The following PARD3B variants were observed in gnomAD, a reference collection of about 807,000 sequenced individuals.
PARD3B encodes par-3 family cell polarity regulator beta.
A neutral mutation model predicts 130.2 loss-of-function variants in PARD3B; 103 were observed. That is an observed-to-expected ratio of 0.79 (90% CI 0.67 to 0.93). The LOEUF (loss-of-function observed/expected upper bound fraction) is 0.93, where lower values mean the gene tolerates loss of function less well. Among genes scored for constraint, PARD3B ranks in the 40% least tolerant of loss-of-function variants. The pLI, the probability that PARD3B is intolerant of heterozygous loss-of-function variation, is 0.00. For synonymous variants in PARD3B, 583 were observed against 553.2 expected (o/e 1.05, Z -0.76); for missense variants, 1,609 against 1,499.2 (o/e 1.07, Z -1.21).
chr2:205,520,376 T>G (rs1357781684), intron 21 of PARD3B, among the ~76,000 whole-genome samples: 1 of 152,122 alleles, frequency 6.6e-6, no homozygotes, highest in African/African-American at 2.4e-5. Context: ...AGCACTTGGG[T>G]TCTTTGCTCC....
chr2:204,870,125 C>T (rs1050414144), intron 2 of PARD3B, among the ~76,000 whole-genome samples: 2 of 152,120 alleles, frequency 1.3e-5, no homozygotes, highest in Non-Finnish European at 2.9e-5. Context: ...ATTTCTCTGT[C>T]TCTCTCTTTC....
rs2046150060 is a variant in PARD3B, at chr2:204,883,458, T to TA, written c.223-81694_223-81693insA. Among the ~76,000 whole-genome samples, 13 of 117,436 alleles carry TA rather than the reference T, an allele frequency of 1.1e-4. No individual in the cohort carries two copies. The South Asian group carries it at 3.3e-3, about 30-fold the overall frequency. 77.0% of individuals were successfully genotyped at this position (117,436 alleles called of 152,430 possible). A position where few individuals can be genotyped will look rare whatever the true frequency, so the allele number is the denominator to read the frequency against. On this transcript the variant is annotated intron_variant, in intron 2 of 22. Coordinates refer to ENST00000406610, the MANE Select transcript of PARD3B (RefSeq NM_001302769.2). The stretch of plus-strand genomic sequence containing the variant: ...AAATATATATATATATATATATATT[T>TA]TTTTTTTTGAGACAGAGTCTCACTC...
intron 2 of PARD3B, among the ~76,000 whole-genome samples, chr2:204,916,425 AAT>A (rs138664306): frequency 0.11 from 16,659 of 152,170 alleles, 1,195 homozygotes; most frequent in Non-Finnish European, 0.16. Flanking sequence ...GAAATTGTTT[AAT>A]GTTTTAAAAT....
At chr2:204,939,985 G>A (rs1216596747) in intron 2 of PARD3B, among the ~76,000 whole-genome samples, 1 of 152,140 alleles carries the variant, frequency 6.6e-6, no homozygotes, top group Non-Finnish European at 1.5e-5. Context: ...AAACAAATTG[G>A]TAAGTTGAAA....
At chr2:204,595,769 A>G (rs925537115) in intron 1 of PARD3B, among the ~76,000 whole-genome samples, 1 of 152,254 alleles carries the variant, frequency 6.6e-6, no homozygotes, top group Non-Finnish European at 1.5e-5. Context: ...TCATTTGTTC[A>G]TGCTTTGTTT....
intron 2 of PARD3B, among the ~76,000 whole-genome samples, chr2:204,923,421 A>G (rs1256134168): frequency 2.0e-5 from 3 of 152,040 alleles, no homozygotes; most frequent in Non-Finnish European, 4.4e-5. Flanking sequence ...CTTATGTAAA[A>G]TAAATTGCAT....
intron 3 of PARD3B, among the ~76,000 whole-genome samples, chr2:205,040,144 A>C (rs1425137247): frequency 6.6e-6 from 1 of 151,842 alleles, no homozygotes; most frequent in Non-Finnish European, 1.5e-5. Context: ...TTATGTTTTT[A>C]GTAGAGATGG....
chr2:204,761,363 T>C (rs961018032), intron 2 of PARD3B, among the ~76,000 whole-genome samples: 58 of 152,322 alleles, frequency 3.8e-4, no homozygotes, highest in Non-Finnish European at 1.9e-4. Flanking sequence ...TTCAGTTTCC[T>C]TGCTGAAAGA....
At chr2:204,641,225 T>C (rs1315942220) in intron 1 of PARD3B, among the ~76,000 whole-genome samples, 1 of 149,692 alleles carries the variant, frequency 6.7e-6, no homozygotes, top group Non-Finnish European at 1.5e-5. Flanking sequence ...TAAATGTATA[T>C]ATAATAAGTA....
At chr2:205,581,721 A>G (rs1435261267) in intron 22 of PARD3B, among the ~76,000 whole-genome samples, 2 of 152,036 alleles carry the variant, frequency 1.3e-5, no homozygotes, top group Admixed American at 1.3e-4. Flanking sequence ...CATGTACCCT[A>G]TAAATAGATA....
At chr2:204,912,951 T>A in intron 2 of PARD3B, among the ~76,000 whole-genome samples, 1 of 152,196 alleles carries the variant, frequency 6.6e-6, no homozygotes, top group South Asian at 2.1e-4. Context: ...TTCAAAGGGG[T>A]TATTATCATT....
At chr2:205,110,404 A>G (rs1469518121) in intron 5 of PARD3B, among the ~76,000 whole-genome samples, 2 of 152,190 alleles carry the variant, frequency 1.3e-5, no homozygotes, top group African/African-American at 2.4e-5. Flanking sequence ...AGTTTTGTCT[A>G]AATCTCAGAT....
At chr2:205,247,171 T>G (rs2039608638) in intron 16 of PARD3B, among the ~76,000 whole-genome samples, 1 of 152,216 alleles carries the variant, frequency 6.6e-6, no homozygotes, top group Non-Finnish European at 1.5e-5. Flanking sequence ...TTTATCAATT[T>G]GGTTTTTGAA....
chr2:205,279,066 G>GT (rs1412555698), intron 16 of PARD3B, among the ~76,000 whole-genome samples: 1 of 15,634 alleles, frequency 6.4e-5, no homozygotes, highest in Non-Finnish European at 1.7e-4. Context: ...GCAAGAATCT[G>GT]TCTCAAAAAA....
chr2:204,712,273 T>G (rs2038479084), intron 2 of PARD3B, among the ~76,000 whole-genome samples: 1 of 152,196 alleles, frequency 6.6e-6, no homozygotes, highest in Admixed American at 6.5e-5. Context: ...TACTGCTTCA[T>G]CAGAGCTTAC....
intron 18 of PARD3B, among the ~76,000 whole-genome samples, chr2:205,340,504 C>T (rs1202192859): frequency 2.6e-5 from 4 of 151,980 alleles, no homozygotes; most frequent in African/African-American, 9.7e-5. Context: ...CAGGAAGGGA[C>T]ACCCTCTTTA....
intron 18 of PARD3B, among the ~76,000 whole-genome samples, chr2:205,369,424 G>T (rs571001611): frequency 6.6e-6 from 1 of 152,258 alleles, no homozygotes; most frequent in African/African-American, 2.4e-5. Flanking sequence ...AGCATGATCT[G>T]TCTCACAGGC....
At chr2:205,521,575 G>C (rs558849628) in intron 21 of PARD3B, among the ~76,000 whole-genome samples, 3 of 151,746 alleles carry the variant, frequency 2.0e-5, no homozygotes, top group African/African-American at 7.2e-5. Context: ...TTCTATTAAT[G>C]TGAGAGTTCA....
intron 20 of PARD3B, among the ~76,000 whole-genome samples, chr2:205,452,165 T>C (rs2048125500): frequency 6.6e-6 from 1 of 152,192 alleles, no homozygotes; most frequent in Admixed American, 6.5e-5. Flanking sequence ...TGTAGGATAG[T>C]TGATATCTCT....
Sources: allele counts gnomAD v4.1 joint callset (sites outside exome capture counted in the v4.1 genomes callset), GRCh38; gene constraint gnomAD v4.1.1; transcripts MANE v1.5; gene names NCBI Gene and HGNC (gene_info 2026-07-23, HGNC 2026-07-21).